Variants in PSMA1 observed in about 807,000 individuals in gnomAD.
The protein encoded by PSMA1 is proteasome subunit alpha type-1.
A neutral mutation model predicts 38.4 loss-of-function variants in PSMA1; 3 were observed. That is an observed-to-expected ratio of 0.08 (90% CI 0.04 to 0.20). The LOEUF (loss-of-function observed/expected upper bound fraction) is 0.20. PSMA1 is among the 10% of genes least tolerant of loss of function. The pLI is 1.00. For synonymous variants in PSMA1, 101 were observed against 107.1 expected, an observed-to-expected ratio of 0.94 and a Z score of 0.35; for missense variants, 227 against 325.3, an observed-to-expected ratio of 0.70 and a Z score of 2.32.
At chr11:14,592,214 G>T (rs1410360280) in intron 2 of PSMA1, among the ~76,000 whole-genome samples, 4 of 152,028 alleles carry the variant, frequency 2.6e-5, no homozygotes, top group African/African-American at 9.7e-5. Context: ...CACCGCGAGG[G>T]TCCGCGGCTT....
At chr11:14,636,928 T>G (rs1213921897) in intron 1 of PSMA1, among the ~76,000 whole-genome samples, 1 of 152,232 alleles carries the variant, frequency 6.6e-6, no homozygotes, top group Non-Finnish European at 1.5e-5. Context: ...TTATAATGGT[T>G]TCTTAAACGA....
chr11:14,635,601 T>C (rs1420972319), intron 1 of PSMA1, among the ~76,000 whole-genome samples: 1 of 152,202 alleles, frequency 6.6e-6, no homozygotes, highest in Non-Finnish European at 1.5e-5. Context: ...ATCTAGTTGT[T>C]TGTTTATTAT....
intron 2 of PSMA1, among the ~76,000 whole-genome samples, chr11:14,592,098 G>A (rs1852423074): frequency 6.6e-6 from 1 of 151,698 alleles, no homozygotes; most frequent in South Asian, 2.1e-4. Flanking sequence ...CTTCACTCCT[G>A]AGCCAGTGAG....
chr11:14,605,725 C>G (rs1318804111), intron 2 of PSMA1, among the ~76,000 whole-genome samples: 1 of 152,114 alleles, frequency 6.6e-6, no homozygotes, highest in East Asian at 1.9e-4. Flanking sequence ...TTGTTTTTTG[C>G]TTGTTCAATT....
intron 1 of PSMA1, among the ~76,000 whole-genome samples, chr11:14,622,188 T>C (rs959119825): frequency 2.6e-5 from 4 of 152,218 alleles, no homozygotes; most frequent in African/African-American, 7.2e-5. Flanking sequence ...GTGTGATTAA[T>C]AGAACAGATT....
chr11:14,543,933 G>T (rs547322852), intron 2 of PSMA1, among the ~76,000 whole-genome samples: 1 of 152,242 alleles, frequency 6.6e-6, no homozygotes, highest in East Asian at 1.9e-4. Context: ...AAAGTTTTCG[G>T]CATATTCACA....
chr11:14,551,350 C>T (rs934198333), intron 2 of PSMA1, among the ~76,000 whole-genome samples: 2 of 152,008 alleles, frequency 1.3e-5, no homozygotes, highest in African/African-American at 4.8e-5. Context: ...AGAGTCCCTA[C>T]GTAATTTACT....
chr11:14,629,334 T>C (rs2133717367), intron 1 of PSMA1, among the ~76,000 whole-genome samples: 3 of 152,340 alleles, frequency 2.0e-5, no homozygotes, highest in Middle Eastern at 6.8e-3. Context: ...CATCTTGAAT[T>C]GATTTTTATA....
chr11:14,531,688 G>C (rs1851649407), intron 2 of PSMA1, among the ~76,000 whole-genome samples: 1 of 152,176 alleles, frequency 6.6e-6, no homozygotes, highest in African/African-American at 2.4e-5. Context: ...TTGAACTCCT[G>C]AGCTCAAGTG....
In PSMA1 at chr11:14,520,356, T is replaced by A; in HGVS notation, c.-57A>T. On this transcript the variant is annotated 5_prime_UTR_variant, in exon 1 of 10. Coordinates refer to ENST00000396394, the MANE Select transcript of PSMA1 (RefSeq NM_002786.4). ...GCAAAACTGAGAATCAAGGAGGTGC[T>A]GCCGAAAGTATCGCTCAGCGATCTA... is the stretch of plus-strand genomic sequence containing the variant. 6.2e-7 allele frequency: 1 copy of A among 1,614,234 alleles called. No homozygotes were observed. The highest frequency in any genetic ancestry group is 1.1e-5 in the South Asian group (1 of 91,092).
At chr11:14,531,588 T>G (rs1851648442) in intron 2 of PSMA1, among the ~76,000 whole-genome samples, 1 of 152,122 alleles carries the variant, frequency 6.6e-6, no homozygotes, top group South Asian at 2.1e-4. Flanking sequence ...TCAGCCTGAG[T>G]AGCTGGGATC....
chr11:14,592,764 C>T (rs913871528), intron 2 of PSMA1, among the ~76,000 whole-genome samples: 2 of 152,120 alleles, frequency 1.3e-5, no homozygotes, highest in African/African-American at 4.8e-5. Flanking sequence ...AGTAAGTACT[C>T]AATAAACATT....
chr11:14,520,165 G>A lies in PSMA1; in HGVS notation c.3+132C>T, dbSNP rs1460520839. On this transcript the variant is annotated intron_variant, in intron 1 of 9. Coordinates refer to ENST00000396394, the MANE Select transcript of PSMA1 (RefSeq NM_002786.4). Reference sequence around the variant, plus strand: ...CCGGAGATGCTGAATCACTGCCGGAGCCCGGCCGTCTGCCGAGGCTCTCAT... The same window carrying A: ...CCGGAGATGCTGAATCACTGCCGGAACCCGGCCGTCTGCCGAGGCTCTCAT... The A allele has an allele frequency of 1.7e-5, 24 of 1,403,288 alleles. No homozygotes were observed. In the Admixed American group the frequency reaches 1.8e-4, roughly 10 times the overall value. The allele number at this position is 1,403,288 out of a possible 1,614,324, so 86.9% of individuals were successfully genotyped here.
chr11:14,565,010 C>G (rs761210586), intron 2 of PSMA1, among the ~76,000 whole-genome samples: 1 of 152,124 alleles, frequency 6.6e-6, no homozygotes, highest in Non-Finnish European at 1.5e-5. Context: ...AACTCCTGGG[C>G]TCAAGTAATC....
chr11:14,630,688 T>C (rs1195564199), intron 1 of PSMA1, among the ~76,000 whole-genome samples: 1 of 151,770 alleles, frequency 6.6e-6, no homozygotes, highest in Non-Finnish European at 1.5e-5. Flanking sequence ...ATAAAATGAG[T>C]TAGGGAGGAT....
Position 14,538,043 on chromosome 11 carries a change from C to T in PSMA1, c.22-19002G>A, listed in dbSNP as rs532285774. 2.6e-5 allele frequency among the ~76,000 whole-genome samples: 4 copies of T among 152,010 alleles called. No individual in the cohort carries two copies. In the South Asian group the frequency reaches 8.3e-4, roughly 32 times the overall value. Reference sequence around the variant, plus strand: ...TTTTTAATGTGAACTATGGGAAAAACAACGAAATAATTATTCATAAAAGTA... The same window carrying T: ...TTTTTAATGTGAACTATGGGAAAAATAACGAAATAATTATTCATAAAAGTA... On this transcript the variant is annotated intron_variant, in intron 2 of 10. Coordinates refer to the PSMA1 transcript ENST00000418988.
At position 14,596,641 on chromosome 11, in the gene PSMA1, T is replaced by G. The variant is rs191879813; in HGVS notation, c.21+14325A>C. On this transcript the variant is annotated intron_variant, in intron 2 of 10. Coordinates refer to the PSMA1 transcript ENST00000418988. ...GTTGCTTATCAGCTTAAGGAGATTT[T>G]GGGCTGAGACGATGGGGTTTTCTAA... 5.8e-3 allele frequency among the ~76,000 whole-genome samples: 889 copies of G among 152,370 alleles called. 9 individuals carry two copies. Among genetic ancestry groups the G allele is most frequent in the African/African-American group, 0.021 (854 of 41,586 alleles).
chr11:14,622,537 G>GA (rs1852860188), intron 1 of PSMA1, among the ~76,000 whole-genome samples: 1 of 152,314 alleles, frequency 6.6e-6, no homozygotes, highest in African/African-American at 2.4e-5. Context: ...TCAGGGATTT[G>GA]AAACTTCAAT....
chr11:14,505,338 G>A (rs759367231), intron 9 of PSMA1, 90 bp from the exon 10 acceptor site: 58 of 1,072,164 alleles, frequency 5.4e-5, no homozygotes, highest in Non-Finnish European at 7.9e-5. Flanking sequence ...ATTAAAAATT[G>A]AGAAAAAGGG....
Sources: gnomAD v4.1 joint callset for allele counts (sites outside exome capture counted in the v4.1 genomes callset) on GRCh38, gnomAD v4.1.1 for gene constraint, MANE v1.5 for transcripts, NCBI Gene and HGNC (gene_info 2026-07-23, HGNC 2026-07-21) for gene names.